CHD6: variants seen among roughly 807,000 people sequenced by gnomAD.
CHD6 encodes ATP-dependent chromatin remodeler CHD6.
A neutral mutation model predicts 276.9 loss-of-function variants in CHD6; 50 were observed. That is an observed-to-expected ratio of 0.18 (90% CI 0.14 to 0.23). The LOEUF (loss-of-function observed/expected upper bound fraction) is 0.23, where lower values mean the gene tolerates loss of function less well. Ranked by LOEUF, CHD6 falls within the 10% of genes least tolerant of loss-of-function variation. CHD6 has a pLI of 1.00. For synonymous variants in CHD6, 1,173 were observed against 1,229.3 expected (o/e 0.95, Z 0.96); for missense variants, 2,564 against 3,365.8 (o/e 0.76, Z 5.89).
intron 1 of CHD6, among the ~76,000 whole-genome samples, chr20:41,593,758 C>T (rs1035824287): frequency 3.9e-5 from 6 of 151,954 alleles, no homozygotes; most frequent in Admixed American, 3.3e-4. Context: ...GGTATCCTTA[C>T]AAAAAGATGA....
intron 1 of CHD6, among the ~76,000 whole-genome samples, chr20:41,613,347 C>A (rs2045906711): frequency 6.6e-6 from 1 of 152,344 alleles, no homozygotes; most frequent in East Asian, 1.9e-4. Flanking sequence ...AAGAAAATGT[C>A]AGGCACATTT....
chr20:41,415,459 T>C lies in CHD6; in HGVS notation c.6666A>G (p.Ser2222=). 1 of 1,612,948 alleles carries C rather than the reference T, an allele frequency of 6.2e-7. No homozygotes were observed. Among genetic ancestry groups the C allele is most frequent in the Non-Finnish European group, 8.5e-7 (1 of 1,179,484 alleles). The part of the protein sequence containing the change: ...HGESAMDLSC[S]SEGSPGATSP... Reference sequence around the variant, plus strand: ...ATGTGGCTCCTGGGGACCCCTCTGATGAGCAGGAGAGGTCCATAGCTGACT... The same window carrying C: ...ATGTGGCTCCTGGGGACCCCTCTGACGAGCAGGAGAGGTCCATAGCTGACT... Residue 2222 remains serine (S), a synonymous_variant, in exon 34 of 37, where the codon TCA becomes TCG. Transcript: ENST00000373233.
intron 1 of CHD6, among the ~76,000 whole-genome samples, chr20:41,575,769 G>A (rs961152424): frequency 3.3e-5 from 5 of 152,114 alleles, no homozygotes; most frequent in African/African-American, 1.2e-4. Flanking sequence ...CCGAGGAGCT[G>A]GTCACCTCAC....
At chr20:41,451,457 T>C (rs6102421) in intron 22 of CHD6, among the ~76,000 whole-genome samples, 8,533 of 151,916 alleles carry the variant, frequency 0.056, 817 homozygotes, top group African/African-American at 0.2. Context: ...TAGCCAAGGA[T>C]AGGGAAGGAA....
intron 27 of CHD6, among the ~76,000 whole-genome samples, chr20:41,427,743 G>C (rs2047410370): frequency 1.3e-5 from 2 of 152,228 alleles, no homozygotes; most frequent in East Asian, 1.9e-4. Flanking sequence ...TGAAAACCCA[G>C]GGCTGATCTA....
rs1569048061 is a variant in CHD6 at position 41,415,282 on chromosome 20, A to G, written c.6843T>C (p.Asp2281=). The part of the protein sequence containing the change: ...QIVNGSLRRD[D]AATRRRRGRR... ...TCCCTCTCCGCCTCCTCGTGGCTGC[A>G]TCATCTCTTCTGAGGCTTCCATTGA... Residue 2281 remains aspartate (D), a synonymous_variant, in exon 34 of 37, where the codon GAT becomes GAC. Transcript: ENST00000373233. 2.5e-6 allele frequency: 4 copies of G among 1,614,176 alleles called. No homozygotes were observed. The highest frequency in any genetic ancestry group is 2.5e-6 in the Non-Finnish European group (3 of 1,180,030).
chr20:41,426,213 A>C, intron 27 of CHD6, 60 bp from the exon 28 acceptor site: 5 of 1,198,378 alleles, frequency 4.2e-6, no homozygotes, highest in Admixed American at 3.4e-5. Context: ...ACCAGCTCAG[A>C]AAGTCTTGAA....
chr20:41,437,387 C>T, intron 26 of CHD6, 53 bp from the exon 27 acceptor site: 1 of 1,300,302 alleles, frequency 7.7e-7, no homozygotes, highest in Non-Finnish European at 1.1e-6. Context: ...CCCTTATCCA[C>T]AGTTTCAGTT....
chr20:41,550,322 C>G (rs2045125207), intron 2 of CHD6, among the ~76,000 whole-genome samples: 1 of 152,212 alleles, frequency 6.6e-6, no homozygotes, highest in South Asian at 2.1e-4. Context: ...GTCTGCCTAT[C>G]AGCTGACAAC....
chr20:41,460,623 G>A (rs1038220508), intron 17 of CHD6, among the ~76,000 whole-genome samples: 4 of 152,240 alleles, frequency 2.6e-5, no homozygotes, highest in Non-Finnish European at 4.4e-5. Context: ...TTGAGCCTGA[G>A]GGTGCACAGA....
chr20:41,570,839 G>C (rs1053071223), intron 1 of CHD6, among the ~76,000 whole-genome samples: 2 of 152,198 alleles, frequency 1.3e-5, no homozygotes, highest in African/African-American at 4.8e-5. Flanking sequence ...TAATGCCAGA[G>C]TTTCTTAACA....
intron 3 of CHD6, among the ~76,000 whole-genome samples, chr20:41,520,555 C>T (rs1337541855): frequency 6.6e-6 from 1 of 151,012 alleles, no homozygotes; most frequent in Non-Finnish European, 1.5e-5. Context: ...TCATTCTCAG[C>T]AAACTATCAC....
intron 2 of CHD6, among the ~76,000 whole-genome samples, chr20:41,537,123 T>C (rs2044849164): frequency 6.6e-6 from 1 of 152,164 alleles, no homozygotes; most frequent in African/African-American, 2.4e-5. Flanking sequence ...TTATGTGAAA[T>C]ATAGTAATTA....
chr20:41,520,458 G>A (rs1254194649), intron 3 of CHD6, among the ~76,000 whole-genome samples: 2 of 152,114 alleles, frequency 1.3e-5, no homozygotes, highest in East Asian at 3.9e-4. Context: ...AAGAAAATGT[G>A]GCACATATAC....
Position 41,484,463 on chromosome 20 carries a change from C to A in CHD6, c.2146G>T (p.Glu716Ter). 6.2e-7 allele frequency: 1 copy of A among 1,613,792 alleles called. No homozygotes were observed. Among genetic ancestry groups the A allele is most frequent in the Non-Finnish European group, 8.5e-7 (1 of 1,179,820 alleles). ...TTGGTCAGGAAGGAAAAGTTCTTCT[C>A]GAGGATGGCACGGTAGTACTTTTTC... ...IQKKYYRAIL[E>*]KNFSFLTKGA... The change falls in exon 15 of 37, where the codon GAG becomes TAG. Residue 716 changes from glutamate to a stop codon, truncating the protein, a stop_gained. Transcript: ENST00000373233. LOFTEE classifies it high-confidence loss of function.
intron 18 of CHD6, 76 bp from the exon 19 acceptor site, chr20:41,456,055 G>A: frequency 7.3e-7 from 1 of 1,362,736 alleles, no homozygotes; most frequent in Non-Finnish European, 9.9e-7. Context: ...TGGTTTTTGT[G>A]ATTCAGTGCA....
chr20:41,559,492 G>A (rs1329632276), intron 1 of CHD6, among the ~76,000 whole-genome samples: 3 of 152,256 alleles, frequency 2.0e-5, no homozygotes, highest in South Asian at 2.1e-4. Context: ...GGCTTTGAGT[G>A]CTTTGCAGCA....
intron 1 of CHD6, among the ~76,000 whole-genome samples, chr20:41,582,813 G>A (rs1306747130): frequency 6.6e-6 from 1 of 152,110 alleles, no homozygotes; most frequent in East Asian, 1.9e-4. Context: ...AAATGGAAAT[G>A]GTATAATTTT....
chr20:41,404,967 G>T lies in CHD6; in HGVS notation c.7774C>A (p.Pro2592Thr). The stretch of plus-strand genomic sequence containing the variant: ...GCAGGTTCAGACTGATCAGAAAATG[G>T]ACCTGGACCAGGCTTGTCCTCAGCT... ...TLAEDKPGPG[P>T]FSDQSEPAIT... is the part of the protein sequence containing the mutation. Residue 2592 changes from proline to threonine, a missense_variant, in exon 37 of 37, where the codon CCA (proline) becomes ACA (threonine). Pro to Thr is a conservative substitution (Grantham distance 38). Around this residue, in one of 7 missense-constraint regions of CHD6, gnomAD observed 238 missense variants for 266.0 expected, o/e 0.89. Coordinates refer to ENST00000373233, the MANE Select transcript of CHD6 (RefSeq NM_032221.5). The T allele has an allele frequency of 6.2e-7, 1 of 1,614,214 alleles. No individual in the cohort carries two copies. The highest frequency in any genetic ancestry group is 1.7e-5 in the Admixed American group (1 of 60,032).
Sources: gnomAD v4.1 joint callset for allele counts (sites outside exome capture counted in the v4.1 genomes callset) on GRCh38, gnomAD v4.1.1 for gene constraint, gnomAD v4.1.1 regional missense constraint, MANE v1.5 for transcripts, NCBI Gene and HGNC (gene_info 2026-07-23, HGNC 2026-07-21) for gene names.